INO80: variants seen among roughly 807,000 people sequenced by gnomAD.
INO80 encodes INO80 complex ATPase subunit.
In INO80, 20 loss-of-function variants were observed where a neutral mutation model predicts 203.4. The ratio of observed to expected loss-of-function variants is 0.10; its 90% confidence interval spans 0.07 to 0.14. INO80 has a LOEUF of 0.14. Among genes scored for constraint, INO80 ranks in the 10% least tolerant of loss-of-function variants. The pLI, the probability that INO80 is intolerant of heterozygous loss-of-function variation, is 1.00. For missense variants in INO80, 1,419 were observed against 1,914.4 expected (o/e 0.74, Z 4.83); for synonymous variants, 726 against 685.2 (o/e 1.06, Z -0.93).
chr15:41,003,334 C>CTT lies in INO80; in HGVS notation c.3497+2257_3497+2258dup, dbSNP rs71104761. ...TTGTGGGTGATTTTTCTTTTCTTTT[C>CTT]TTTTTTTTTTTTTTGAGATGGAGTC... On this transcript the variant is annotated intron_variant, in intron 28 of 35. Transcript: ENST00000648947. 2.1e-4 allele frequency among the ~76,000 whole-genome samples: 27 copies of CTT among 126,038 alleles called. 1 individual carries two copies. Among genetic ancestry groups the CTT allele is most frequent in the East Asian group, 4.8e-4 (2 of 4,190 alleles). 82.7% of individuals were successfully genotyped at this position (126,038 alleles called of 152,430 possible). A position where few individuals can be genotyped will look rare whatever the true frequency, so the allele number is the denominator to read the frequency against.
chr15:41,014,974 A>G (rs140900009), intron 27 of INO80, among the ~76,000 whole-genome samples: 124 of 152,332 alleles, frequency 8.1e-4, no homozygotes, highest in African/African-American at 2.9e-3. Flanking sequence ...ATGTAAAAAC[A>G]TGAGAACATT....
At chr15:41,055,488 G>A in intron 17 of INO80, 124 bp from the exon 18 acceptor site, 1 of 418,018 alleles carries the variant, frequency 2.4e-6, no homozygotes, top group Non-Finnish European at 4.2e-6. Context: ...GTGTATGTGT[G>A]AATGAAAGAC....
rs1460482113 is a variant in INO80 at position 40,983,009 on chromosome 15, C to T, written c.4306G>A (p.Gly1436Ser). The T allele has an allele frequency of 6.2e-7, 1 of 1,614,138 alleles. No homozygotes were observed. Among genetic ancestry groups the T allele is most frequent in the Non-Finnish European group, 8.5e-7 (1 of 1,180,040 alleles). The change falls in exon 35 of 36, where the codon GGT becomes AGT. Residue 1436 changes from glycine to serine, a missense_variant. By Grantham distance (56) the Gly-to-Ser change is moderately conservative. Around this residue, in one of 9 missense-constraint regions of INO80, gnomAD observed 214 missense variants for 248.9 expected, o/e 0.86. Transcript: ENST00000648947. ...HSARSRGRPK[G>S]SGSTAKGAGK... ...GCTCCTTTGGCTGTGCTTCCTGAAC[C>T]TTTGGGGCGGCCTCGGCTTCGGGCT...
intron 14 of INO80, among the ~76,000 whole-genome samples, chr15:41,067,061 A>C (rs1377136621): frequency 6.6e-6 from 1 of 152,010 alleles, no homozygotes; most frequent in African/African-American, 2.4e-5. Flanking sequence ...TGGTGAAAAA[A>C]TTTTAAGACC....
chr15:40,993,639 G>C (rs887151072), intron 29 of INO80, among the ~76,000 whole-genome samples: 1 of 152,052 alleles, frequency 6.6e-6, no homozygotes, highest in Non-Finnish European at 1.5e-5. Flanking sequence ...CCCGCCTGTA[G>C]TCCCAGCTAC....
intron 4 of INO80, 41 bp from the exon 5 acceptor site, chr15:41,092,223 G>A: frequency 6.6e-7 from 1 of 1,513,048 alleles, no homozygotes; most frequent in Non-Finnish European, 9.0e-7. Flanking sequence ...TTGCTGTGAA[G>A]CAATCCCATT....
In INO80 at chr15:41,049,917, A is replaced by G. The variant is rs757152006; in HGVS notation, c.2442+18T>C. 1 of 1,590,132 alleles carries G rather than the reference A, an allele frequency of 6.3e-7. No homozygotes were observed. Among genetic ancestry groups the G allele is most frequent in the South Asian group, 1.1e-5 (1 of 88,934 alleles). ...AAACAAAAAACAAAACTTCAAGGGAACTGACGTAAGCTCTTACCTTCCTAA... is the reference window on the plus strand; with the variant it reads ...AAACAAAAAACAAAACTTCAAGGGAGCTGACGTAAGCTCTTACCTTCCTAA... On this transcript the variant is annotated intron_variant, in intron 20 of 35. Transcript: ENST00000648947.
chr15:41,047,357 T>C (rs1203404373), intron 23 of INO80, 51 bp downstream of exon 23: 2 of 1,045,230 alleles, frequency 1.9e-6, no homozygotes, highest in Admixed American at 3.7e-5. Context: ...TCAATATCTA[T>C]CCCATTTATT....
intron 24 of INO80, among the ~76,000 whole-genome samples, chr15:41,031,776 C>T (rs901057933): frequency 2.3e-4 from 35 of 151,954 alleles, no homozygotes; most frequent in African/African-American, 4.6e-4. Context: ...CAGATGTGTG[C>T]GTCTTGCCGC....
rs1048054269 is a variant in INO80 at position 41,070,068 on chromosome 15, G to A, written c.1686+399C>T. Among the ~76,000 whole-genome samples, 9 of 152,182 alleles carry A rather than the reference G, an allele frequency of 5.9e-5. No homozygotes were observed. The East Asian group carries it at 1.5e-3, about 26-fold the overall frequency. On this transcript the variant is annotated intron_variant, in intron 13 of 35. Transcript: ENST00000648947. ...ATAAAATTCCTATAAAGTAGATAAC[G>A]TCTCCATAGAAGAGGAAGAGGAAGA...
In INO80 at chr15:41,009,954, G is replaced by A. The variant is rs564718804; in HGVS notation, c.3403-4267C>T. 1.3e-4 allele frequency among the ~76,000 whole-genome samples: 20 copies of A among 152,120 alleles called. No individual in the cohort carries two copies. In the South Asian group the frequency reaches 2.5e-3, roughly 19 times the overall value. On this transcript the variant is annotated intron_variant, in intron 27 of 35. Transcript: ENST00000648947. ...ACTTTCTTCAAGCAAATTCTTACAC[G>A]GAACCCCTCTAATATATAAAATAGA...
chr15:41,102,488 G>A (rs2045823643), intron 1 of INO80, among the ~76,000 whole-genome samples: 1 of 152,068 alleles, frequency 6.6e-6, no homozygotes, highest in Non-Finnish European at 1.5e-5. Context: ...CCAATATGGT[G>A]AAACCCCATC....
chr15:41,034,305 G>A (rs1472281356), intron 24 of INO80, among the ~76,000 whole-genome samples: 1 of 152,176 alleles, frequency 6.6e-6, no homozygotes, highest in African/African-American at 2.4e-5. Flanking sequence ...GGAGAAGAGA[G>A]CTTCTCACTG....
In INO80 at chr15:41,091,650, CTTTTTTT is replaced by C. The variant is rs746421749; in HGVS notation, c.537+370_537+376del. Among the ~76,000 whole-genome samples the C allele has an allele frequency of 1.0e-4, 9 of 88,272 alleles. No homozygotes were observed. The Admixed American group carries it at 1.1e-3, about 11-fold the overall frequency. 57.9% of individuals were successfully genotyped at this position (88,272 alleles called of 152,430 possible). A position where few individuals can be genotyped will look rare whatever the true frequency, so the allele number is the denominator to read the frequency against. ...TCCAGCTCCATAAAATGATGTATCTCTTTTTTTTTTTTTTTTTTTTTTTGAGACAGAG... is the reference window on the plus strand; with the variant it reads ...TCCAGCTCCATAAAATGATGTATCTCTTTTTTTTTTTTTTTTGAGACAGAG... On this transcript the variant is annotated intron_variant, in intron 5 of 35. Coordinates refer to ENST00000648947, the MANE Select transcript of INO80 (RefSeq NM_017553.3).
intron 24 of INO80, among the ~76,000 whole-genome samples, chr15:41,031,593 GGGAGGGAGGGAGGAAGGGA>G (rs2044471030): frequency 8.5e-5 from 1 of 11,808 alleles, no homozygotes; most frequent in African/African-American, 2.6e-4. Context: ...GAGGAAGGGA[GGGAGGGAGGGAGGAAGGGA>G]GGAGGGAGGA....
chr15:41,079,809 C>T lies in INO80; in HGVS notation c.1023G>A (p.Lys341=). Residue 341 remains lysine (K), a synonymous_variant, in exon 9 of 36, where the codon AAG becomes AAA. Coordinates refer to ENST00000648947, the MANE Select transcript of INO80 (RefSeq NM_017553.3). ...ATTTCTTCCAGTACAGAAGCATCTC[C>T]TTGGTGAGGCGGCGGGCACGAGGCA... The part of the protein sequence containing the change: ...ETLPRARRLT[K]EMLLYWKKYE... 2 of 1,614,140 alleles carry T rather than the reference C, an allele frequency of 1.2e-6. No homozygotes were observed. Among genetic ancestry groups the T allele is most frequent in the Non-Finnish European group, 1.7e-6 (2 of 1,180,016 alleles).
chr15:41,005,054 A>C (rs2044017171), intron 28 of INO80, among the ~76,000 whole-genome samples: 1 of 151,730 alleles, frequency 6.6e-6, no homozygotes, highest in Non-Finnish European at 1.5e-5. Flanking sequence ...AATTAGCTGG[A>C]TGTGGTGGCG....
At chr15:41,104,088 G>A (rs939441893) in intron 1 of INO80, among the ~76,000 whole-genome samples, 2 of 151,612 alleles carry the variant, frequency 1.3e-5, no homozygotes, top group African/African-American at 4.8e-5. Flanking sequence ...AGGTGTGGTG[G>A]TGCATGCCTG....
intron 29 of INO80, among the ~76,000 whole-genome samples, chr15:40,990,116 A>G (rs2043796658): frequency 6.6e-6 from 1 of 152,154 alleles, no homozygotes; most frequent in Non-Finnish European, 1.5e-5. Context: ...GAATTCTAAA[A>G]AAAAAAAAAT....
Sources: allele counts gnomAD v4.1 joint callset (sites outside exome capture counted in the v4.1 genomes callset), GRCh38; gene constraint gnomAD v4.1.1; regional missense constraint gnomAD v4.1.1; transcripts MANE v1.5; gene names NCBI Gene and HGNC (gene_info 2026-07-23, HGNC 2026-07-21).